AUTS2: variants seen among roughly 807,000 people sequenced by gnomAD.
AUTS2 encodes autism susceptibility gene 2 protein.
In AUTS2, 17 loss-of-function variants were observed where a neutral mutation model predicts 112.4. The ratio of observed to expected loss-of-function variants is 0.15; its 90% CI spans 0.10 to 0.23. The LOEUF is 0.23. Among genes scored for constraint, AUTS2 ranks in the 10% least tolerant of loss-of-function variants. AUTS2 has a pLI of 1.00. For synonymous variants in AUTS2, 751 were observed against 702.7 expected, an observed-to-expected ratio of 1.07 and a Z score of -1.09; for missense variants, 1,510 against 1,701.6, an observed-to-expected ratio of 0.89 and a Z score of 1.98.
At chr7:70,133,663 C>T (rs7790729) in intron 3 of AUTS2, among the ~76,000 whole-genome samples, 45,230 of 151,936 alleles carry the variant, frequency 0.3, 7,039 homozygotes, top group African/African-American at 0.38. Flanking sequence ...ATTTGCTTCA[C>T]CTTCATTTCA....
At chr7:69,850,162 A>T (rs1340802893) in intron 1 of AUTS2, among the ~76,000 whole-genome samples, 4 of 151,372 alleles carry the variant, frequency 2.6e-5, no homozygotes, top group Admixed American at 2.6e-4. Flanking sequence ...AGCCGGGCGT[A>T]GTGGCATGCG....
chr7:69,614,321 T>TTTCTTTCTTTCC (rs1793210409), intron 1 of AUTS2, among the ~76,000 whole-genome samples: 4 of 59,734 alleles, frequency 6.7e-5, no homozygotes, highest in African/African-American at 2.3e-4. Flanking sequence ...CGTCTCTTTC[T>TTTCTTTCTTTCC]TTCTTTCTTT....
chr7:70,684,638 T>C (rs1320834595), intron 5 of AUTS2, among the ~76,000 whole-genome samples: 52 of 149,928 alleles, frequency 3.5e-4, no homozygotes, highest in African/African-American at 1.3e-3. Context: ...CGTGGTATGG[T>C]GTGGGGTGGT....
rs570957712 is a variant in AUTS2, at chr7:70,739,057, G to A, written c.743-23813G>A. On this transcript the variant is annotated intron_variant, in intron 6 of 18. Transcript: ENST00000342771. The stretch of plus-strand genomic sequence containing the variant: ...TTTTTTGAGAGAGAGACAGGGTCTT[G>A]CTCTGTTGCCCAGGCTGGAGCACGG... Among the ~76,000 whole-genome samples the A allele has an allele frequency of 1.1e-4, 12 of 113,318 alleles. No individual in the cohort carries two copies. The East Asian group carries it at 3.1e-3, about 29-fold the overall frequency. 74.3% of individuals were successfully genotyped at this position (113,318 alleles called of 152,430 possible).
chr7:70,246,735 A>G (rs1323910592), intron 4 of AUTS2, among the ~76,000 whole-genome samples: 1 of 152,102 alleles, frequency 6.6e-6, no homozygotes, highest in Non-Finnish European at 1.5e-5. Flanking sequence ...ATATTCTCAA[A>G]AAAGTGAAAT....
rs111755382 is a variant in AUTS2, at chr7:70,281,448, A to G, written c.660+146877A>G. On this transcript the variant is annotated intron_variant, in intron 4 of 18. Transcript: ENST00000342771. ...TTGATCGTCTCTTGGTGAAGAGAAG[A>G]AGAGACAGCAAGTGCTGTAGAAAGT... 3.7e-4 allele frequency among the ~76,000 whole-genome samples: 56 copies of G among 152,370 alleles called. 2 individuals carry two copies. The highest frequency in any genetic ancestry group is 1.3e-3 in the African/African-American group (54 of 41,592).
At chr7:70,781,434 C>A (rs984004689) in intron 14 of AUTS2, 181 bp from the exon 15 acceptor site, 2 of 607,540 alleles carry the variant, frequency 3.3e-6, no homozygotes, top group East Asian at 3.3e-5. Context: ...GTAACAGGCA[C>A]TACCGGCCTG....
intron 5 of AUTS2, among the ~76,000 whole-genome samples, chr7:70,670,550 T>C (rs1346269028): frequency 5.9e-5 from 9 of 152,162 alleles, no homozygotes; most frequent in Admixed American, 5.9e-4. Flanking sequence ...GGGCAAGGTT[T>C]CATAAACTGA....
At position 69,899,343 on chromosome 7, in the gene AUTS2, A is replaced by G; in HGVS notation, c.367A>G (p.Lys123Glu). The G allele has an allele frequency of 3.1e-6, 5 of 1,614,112 alleles. No homozygotes were observed. Among genetic ancestry groups the G allele is most frequent in the Non-Finnish European group, 3.4e-6 (4 of 1,179,970 alleles). ...RVEKRQTPLT[K>E]KKREALTNGL... ...GGAGAAACGCCAGACGCCCCTGACC[A>G]AGAAGAAACGAGAAGCACTTACCAA... Residue 123 changes from lysine to glutamate, a missense_variant, in exon 2 of 19, where the codon AAG becomes GAG. Around this residue, in one of 3 missense-constraint regions of AUTS2, gnomAD observed 535 missense variants for 594.3 expected, o/e 0.90. Transcript: ENST00000342771.
rs2129557492 is a variant in AUTS2 at position 70,766,223 on chromosome 7, GCACCAGCACCAGCACCAGCACACC to G, written c.1588_1611del (p.Gln530_His537del). On this transcript the variant is annotated inframe_deletion, in exon 9 of 19. Coordinates refer to ENST00000342771, the MANE Select transcript of AUTS2 (RefSeq NM_015570.4). This position sits in a 1 kb window ranked among gnomAD's most constrained non-coding sequence, Gnocchi z 4.8. ...CCTACCTGCGGACCGAGTTCCATCAGCACCAGCACCAGCACCAGCACACCCACCAGCACACGCACCAGCACACCT... is the reference window on the plus strand; with the variant it reads ...CCTACCTGCGGACCGAGTTCCATCAGCACCAGCACACGCACCAGCACACCT... The G allele has an allele frequency of 6.2e-7, 1 of 1,613,794 alleles. No homozygotes were observed. Among genetic ancestry groups the G allele is most frequent in the Non-Finnish European group, 8.5e-7 (1 of 1,179,880 alleles).
At chr7:70,083,550 C>A (rs928661570) in intron 2 of AUTS2, among the ~76,000 whole-genome samples, 1 of 152,138 alleles carries the variant, frequency 6.6e-6, no homozygotes, top group Non-Finnish European at 1.5e-5. Flanking sequence ...TTGTTTGTAA[C>A]AACTTTATTG....
intron 4 of AUTS2, among the ~76,000 whole-genome samples, chr7:70,403,623 T>G (rs1299850081): frequency 6.6e-6 from 1 of 152,204 alleles, no homozygotes; most frequent in East Asian, 1.9e-4. Context: ...TCTCATTCTC[T>G]TAGCAAAAGA....
chr7:69,960,799 C>T (rs1797399181), intron 2 of AUTS2, among the ~76,000 whole-genome samples: 1 of 152,098 alleles, frequency 6.6e-6, no homozygotes, highest in Non-Finnish European at 1.5e-5. Flanking sequence ...TCTGTATTTT[C>T]TCCAAAGCTT....
At chr7:70,569,017 C>T (rs1303384777) in intron 5 of AUTS2, among the ~76,000 whole-genome samples, 3 of 152,178 alleles carry the variant, frequency 2.0e-5, no homozygotes, top group Admixed American at 6.5e-5. Flanking sequence ...CCAGTGATGT[C>T]CAGTGTCTGA....
At chr7:69,632,589 C>T (rs1464489511) in intron 1 of AUTS2, among the ~76,000 whole-genome samples, 1 of 148,148 alleles carries the variant, frequency 6.8e-6, no homozygotes, top group African/African-American at 2.5e-5. Context: ...CCCCTCTCCC[C>T]TCTGCCTTCT....
chr7:69,732,326 G>C (rs924777628), intron 1 of AUTS2, among the ~76,000 whole-genome samples: 2 of 152,088 alleles, frequency 1.3e-5, no homozygotes, highest in Non-Finnish European at 2.9e-5. Flanking sequence ...TAGGTGCTCA[G>C]AGCAGGTTCA....
chr7:70,743,122 C>T (rs1788217800), intron 6 of AUTS2, among the ~76,000 whole-genome samples: 1 of 152,140 alleles, frequency 6.6e-6, no homozygotes, highest in Non-Finnish European at 1.5e-5. Flanking sequence ...GGGAGTTTCA[C>T]CAATTCAGTT....
At chr7:69,884,657 T>G (rs1202527147) in intron 1 of AUTS2, among the ~76,000 whole-genome samples, 1 of 152,216 alleles carries the variant, frequency 6.6e-6, no homozygotes, top group East Asian at 1.9e-4. Context: ...TATAGGAAGC[T>G]TTGGCCTAGA....
At chr7:69,826,700 AT>A (rs1791262980) in intron 1 of AUTS2, among the ~76,000 whole-genome samples, 2 of 152,242 alleles carry the variant, frequency 1.3e-5, no homozygotes, top group East Asian at 3.9e-4. Flanking sequence ...CTTTTAGTCT[AT>A]TGTAAGTGTG....
Sources: gnomAD v4.1 joint callset for allele counts (sites outside exome capture counted in the v4.1 genomes callset) on GRCh38, gnomAD v4.1.1 for gene constraint, gnomAD v4.1.1 regional missense constraint, Gnocchi (gnomAD v3.1) non-coding constraint, MANE v1.5 for transcripts, NCBI Gene and HGNC (gene_info 2026-07-23, HGNC 2026-07-21) for gene names.